The following PLA2G4A variants were observed in gnomAD, a reference collection of about 807,000 sequenced individuals.
PLA2G4A encodes the protein cytosolic phospholipase A2.
In PLA2G4A, 40 loss-of-function variants were observed where a neutral mutation model predicts 81.9. The observed-to-expected ratio is 0.49, with a 90% CI of 0.38 to 0.64. The LOEUF (loss-of-function observed/expected upper bound fraction) is 0.64, where lower values mean the gene tolerates loss of function less well. Ranked by LOEUF, PLA2G4A falls within the 30% of genes least tolerant of loss-of-function variation. PLA2G4A has a pLI of 0.00. For synonymous variants in PLA2G4A, 302 were observed against 296.9 expected, an observed-to-expected ratio of 1.02 and a Z score of -0.18; for missense variants, 715 against 905.1, an observed-to-expected ratio of 0.79 and a Z score of 2.69.
intron 7 of PLA2G4A, among the ~76,000 whole-genome samples, chr1:186,913,027 A>G (rs1571394869): frequency 6.6e-6 from 1 of 151,154 alleles, no homozygotes; most frequent in Middle Eastern, 3.9e-3. Flanking sequence ...CTTGTTAATG[A>G]TAATGGAATT....
intron 13 of PLA2G4A, among the ~76,000 whole-genome samples, chr1:186,952,857 C>T (rs2207212): frequency 0.96 from 145,847 of 152,254 alleles, 69,902 homozygotes; most frequent in East Asian, 1. Flanking sequence ...TAAAGTTCCT[C>T]TATGTTTTTT....
At position 186,956,218 on chromosome 1, in the gene PLA2G4A, C is replaced by T; in HGVS notation, c.1453C>T (p.Arg485Cys). 3.1e-6 allele frequency: 5 copies of T among 1,613,896 alleles called. No homozygotes were observed. The highest frequency in any genetic ancestry group is 3.4e-6 in the Non-Finnish European group (4 of 1,179,854). ...DSALFNTREG[R>C]AGKVHNFMLG... ...AGCTTTATTCAATACCAGAGAAGGACGTGCTGGGAAGGTACACAACTTCAT... is the reference window on the plus strand; with the variant it reads ...AGCTTTATTCAATACCAGAGAAGGATGTGCTGGGAAGGTACACAACTTCAT... The change falls in exon 14 of 18, where the codon CGT (arginine) becomes TGT (cysteine). Residue 485 changes from arginine to cysteine, a missense_variant. Transcript: ENST00000367466.
At chr1:186,860,331 G>A (rs1652752942) in intron 2 of PLA2G4A, among the ~76,000 whole-genome samples, 1 of 152,118 alleles carries the variant, frequency 6.6e-6, no homozygotes. Flanking sequence ...TAAAGTTGGG[G>A]TGTATTTTGG....
intron 7 of PLA2G4A, among the ~76,000 whole-genome samples, chr1:186,924,141 G>A (rs1655461398): frequency 6.6e-6 from 1 of 152,124 alleles, no homozygotes; most frequent in African/African-American, 2.4e-5. Context: ...AACCTGTATT[G>A]TCAACGTCTA....
At position 186,934,443 on chromosome 1, in the gene PLA2G4A, C is replaced by CATATATATATATATATATATATATAT. The variant is rs71571011; in HGVS notation, c.695+1565_695+1566insTATATATATATATATATATATATATA. 3.3e-3 allele frequency among the ~76,000 whole-genome samples: 323 copies of CATATATATATATATATATATATATAT among 99,302 alleles called. 7 individuals carry two copies. The highest frequency in any genetic ancestry group is 5.9e-3 in the Admixed American group (54 of 9,152). The allele number at this position is 99,302 out of a possible 152,430, so 65.1% of individuals were successfully genotyped here. A position where few individuals can be genotyped will look rare whatever the true frequency, so the allele number is the denominator to read the frequency against. On this transcript the variant is annotated intron_variant, in intron 8 of 17. Transcript: ENST00000367466. ...TAATTAAAAGGATTTTAAATGTGCA[C>CATATATATATATATATATATATATAT]ATATATATATATATATATATACATA...
intron 2 of PLA2G4A, among the ~76,000 whole-genome samples, chr1:186,869,266 C>A (rs116178559): frequency 6.6e-6 from 1 of 152,060 alleles, no homozygotes; most frequent in African/African-American, 2.4e-5. Context: ...TATGATTGAT[C>A]ATTTATGTAT....
At chr1:186,889,016 T>C (rs1481187886) in intron 3 of PLA2G4A, among the ~76,000 whole-genome samples, 1 of 152,224 alleles carries the variant, frequency 6.6e-6, no homozygotes, top group East Asian at 1.9e-4. Flanking sequence ...GGAGTTTTAC[T>C]TCTGATTTGC....
At chr1:186,929,136 G>A (rs1191820619) in intron 7 of PLA2G4A, among the ~76,000 whole-genome samples, 6 of 152,146 alleles carry the variant, frequency 3.9e-5, no homozygotes, top group South Asian at 2.1e-4. Context: ...GTTTCTCTCC[G>A]TAAAGGTTAC....
intron 1 of PLA2G4A, among the ~76,000 whole-genome samples, chr1:186,853,527 T>C (rs1423037001): frequency 1.3e-5 from 2 of 152,022 alleles, no homozygotes; most frequent in East Asian, 3.9e-4. Flanking sequence ...ATATTAAAGA[T>C]AGATAATAAA....
chr1:186,961,930 T>G (rs1656960867), intron 14 of PLA2G4A, among the ~76,000 whole-genome samples: 1 of 152,110 alleles, frequency 6.6e-6, no homozygotes, highest in African/African-American at 2.4e-5. Context: ...ATTCCAGAAA[T>G]AAATAATTCA....
chr1:186,843,314 T>A (rs1199252632), intron 1 of PLA2G4A, among the ~76,000 whole-genome samples: 7 of 152,250 alleles, frequency 4.6e-5, no homozygotes, highest in Non-Finnish European at 7.3e-5. Context: ...ATATTCCAGT[T>A]TCACATTCTA....
chr1:186,969,399 T>C (rs1244367558), intron 15 of PLA2G4A, among the ~76,000 whole-genome samples: 3 of 151,948 alleles, frequency 2.0e-5, no homozygotes, highest in Non-Finnish European at 4.4e-5. Context: ...CACCTCTTTG[T>C]GTTAGTAACA....
chr1:186,960,828 G>T (rs1656916816), intron 14 of PLA2G4A, among the ~76,000 whole-genome samples: 1 of 152,176 alleles, frequency 6.6e-6, no homozygotes, highest in African/African-American at 2.4e-5. Flanking sequence ...AGTGCTGTTA[G>T]TGGAAGCCAT....
chr1:186,888,890 TA>T (rs1438182574), intron 3 of PLA2G4A, among the ~76,000 whole-genome samples: 7 of 152,170 alleles, frequency 4.6e-5, no homozygotes, highest in Non-Finnish European at 2.9e-5. Context: ...AATCTGGCCC[TA>T]TGAGATGATG....
chr1:186,918,768 G>T (rs1019342359), intron 7 of PLA2G4A, among the ~76,000 whole-genome samples: 1 of 152,234 alleles, frequency 6.6e-6, no homozygotes, highest in Non-Finnish European at 1.5e-5. Flanking sequence ...CAATAGTTAT[G>T]TGGGGATTTT....
Position 186,977,769 on chromosome 1 carries a change from C to T in PLA2G4A, c.1941C>T (p.Phe647=), listed in dbSNP as rs1299380697. ...ACTTTGTTCTGGCCAACATCAACTT[C>T]AGAAAGTACAGGGCTCCAGGTAAGT... ...IIHFVLANIN[F]RKYRAPGVPR... Residue 647 remains phenylalanine (F), a synonymous_variant, in exon 16 of 18, where the codon TTC becomes TTT. Coordinates refer to ENST00000367466, the MANE Select transcript of PLA2G4A (RefSeq NM_024420.3). The T allele has an allele frequency of 6.2e-7, 1 of 1,610,744 alleles. No homozygotes were observed. The highest frequency in any genetic ancestry group is 1.7e-5 in the Admixed American group (1 of 60,018).
chr1:186,941,150 TG>T (rs1417700281), intron 10 of PLA2G4A, among the ~76,000 whole-genome samples: 2 of 151,704 alleles, frequency 1.3e-5, no homozygotes, highest in South Asian at 2.1e-4. Flanking sequence ...AGCATACTTT[TG>T]GGGGGGCCTC....
intron 6 of PLA2G4A, among the ~76,000 whole-genome samples, chr1:186,907,740 G>A (rs1341708197): frequency 6.6e-6 from 1 of 152,174 alleles, no homozygotes; most frequent in African/African-American, 2.4e-5. Context: ...CATGATAATA[G>A]GTACATTGGG....
intron 1 of PLA2G4A, among the ~76,000 whole-genome samples, chr1:186,829,463 AC>A (rs1651472908): frequency 6.6e-6 from 1 of 152,142 alleles, no homozygotes; most frequent in Non-Finnish European, 1.5e-5. Context: ...GACTCACTTA[AC>A]TTTTAATTTC....
Sources: gnomAD v4.1 joint callset for allele counts (sites outside exome capture counted in the v4.1 genomes callset) on GRCh38, gnomAD v4.1.1 for gene constraint, MANE v1.5 for transcripts, NCBI Gene and HGNC (gene_info 2026-07-23, HGNC 2026-07-21) for gene names.